The following AIG1 variants were observed in gnomAD, a reference collection of about 807,000 sequenced individuals.
AIG1 encodes the protein androgen induced 1.
AIG1 carries 23 observed loss-of-function variants against 31.4 expected under a neutral mutation model. The observed-to-expected ratio is 0.73, with a 90% CI of 0.53 to 1.04. AIG1 has a LOEUF of 1.04. AIG1 is among the 50% of genes least tolerant of loss of function. AIG1 has a pLI of 0.00. For missense variants in AIG1, 274 were observed against 295.0 expected, an observed-to-expected ratio of 0.93 and a Z score of 0.52; for synonymous variants, 100 against 110.5, an observed-to-expected ratio of 0.90 and a Z score of 0.60.
chr6:143,072,329 A>G (rs374285236), intron 1 of AIG1, among the ~76,000 whole-genome samples: 1 of 152,104 alleles, frequency 6.6e-6, no homozygotes, highest in Non-Finnish European at 1.5e-5. Context: ...TTTAGATTCT[A>G]TGGGAGTTTC....
At chr6:143,214,189 A>T (rs987884566) in intron 3 of AIG1, among the ~76,000 whole-genome samples, 1 of 152,180 alleles carries the variant, frequency 6.6e-6, no homozygotes, top group Non-Finnish European at 1.5e-5. Context: ...TTACTGCCAA[A>T]ACATGCAGAT....
rs1178749717 is a variant in AIG1 at position 143,136,822 on chromosome 6, T to C, written c.142-13T>C. The C allele has an allele frequency of 2.5e-5, 34 of 1,367,104 alleles. No homozygotes were observed. The Admixed American group carries it at 8.7e-4, about 35-fold the overall frequency. 84.7% of individuals were successfully genotyped at this position (1,367,104 alleles called of 1,614,324 possible). A position where few individuals can be genotyped will look rare whatever the true frequency, so the allele number is the denominator to read the frequency against. ...GATCTTAATGACTCATACCGGCTGT[T>C]GTCCCCCTACAGGTTATCCAGGCTG... is the stretch of plus-strand genomic sequence containing the variant. On this transcript the variant is annotated splice_polypyrimidine_tract_variant and intron_variant, in intron 1 of 5. Coordinates refer to ENST00000357847, the MANE Select transcript of AIG1 (RefSeq NM_016108.4).
intron 1 of AIG1, among the ~76,000 whole-genome samples, chr6:143,102,519 TATA>T (rs1048441560): frequency 6.8e-6 from 1 of 147,130 alleles, no homozygotes; most frequent in Non-Finnish European, 1.5e-5. Flanking sequence ...TAATATATAA[TATA>T]ATATGTAAAA....
rs1050938331 is a variant in AIG1 at position 143,326,575 on chromosome 6, A to T, written c.516-6707A>T. ...AGAAACATATTATTTAAATAAAGAT[A>T]TTCAAATTTAAGTATGAATAAAAGA... On this transcript the variant is annotated intron_variant, in intron 4 of 5. Transcript: ENST00000357847. This position sits in a 1 kb window ranked among gnomAD's most constrained non-coding sequence, Gnocchi z 4.5. Among the ~76,000 whole-genome samples the T allele has an allele frequency of 2.0e-5, 3 of 152,216 alleles. No individual in the cohort carries two copies. Among genetic ancestry groups the T allele is most frequent in the African/African-American group, 7.2e-5 (3 of 41,468 alleles).
Position 143,280,561 on chromosome 6 carries a change from G to A in AIG1, c.400-3549G>A, listed in dbSNP as rs1001376129. Among the ~76,000 whole-genome samples the A allele has an allele frequency of 2.0e-5, 3 of 152,322 alleles. No individual in the cohort carries two copies. The highest frequency in any genetic ancestry group is 2.1e-4 in the South Asian group (1 of 4,830). On this transcript the variant is annotated intron_variant, in intron 3 of 5. Coordinates refer to ENST00000357847, the MANE Select transcript of AIG1 (RefSeq NM_016108.4). The surrounding 1 kb of genome is among the most constrained non-coding windows in gnomAD (Gnocchi z 4.1). The stretch of plus-strand genomic sequence containing the variant: ...CAGCCGTAAAAAAGAGTGAGATCAC[G>A]TCTTTTGCAGGAGCATGGATGGAGA...
intron 4 of AIG1, among the ~76,000 whole-genome samples, chr6:143,321,642 G>A (rs1776223140): frequency 1.3e-5 from 2 of 152,138 alleles, no homozygotes; most frequent in African/African-American, 4.8e-5. Flanking sequence ...CGCTGAAAGG[G>A]TTGAATGTGG....
chr6:143,140,955 C>T (rs1368606889), intron 2 of AIG1, among the ~76,000 whole-genome samples: 1 of 152,236 alleles, frequency 6.6e-6, no homozygotes. Context: ...ACCACCCTGA[C>T]TGCTGGGGCA....
intron 1 of AIG1, among the ~76,000 whole-genome samples, chr6:143,066,414 A>G (rs1369284428): frequency 6.6e-6 from 1 of 151,986 alleles, no homozygotes; most frequent in Non-Finnish European, 1.5e-5. Flanking sequence ...CTGGGATTAC[A>G]GGCACCTGCC....
Position 143,339,817 on chromosome 6 carries a change from A to G in AIG1, c.*141A>G, listed in dbSNP as rs568657404. ...CTCCCCCAATGAGGACACCTTTTATATATAAATATGTATAAACATAGAATA... is the reference window on the plus strand; with the variant it reads ...CTCCCCCAATGAGGACACCTTTTATGTATAAATATGTATAAACATAGAATA... On this transcript the variant is annotated 3_prime_UTR_variant, in exon 6 of 6. Coordinates refer to ENST00000357847, the MANE Select transcript of AIG1 (RefSeq NM_016108.4). 3.3e-5 allele frequency: 22 copies of G among 675,658 alleles called. No individual in the cohort carries two copies. In the African/African-American group the frequency reaches 3.5e-4, roughly 11 times the overall value. The allele number at this position is 675,658 out of a possible 1,614,324, so 41.9% of individuals were successfully genotyped here.
At chr6:143,332,227 G>T (rs1483529873) in intron 4 of AIG1, among the ~76,000 whole-genome samples, 1 of 152,116 alleles carries the variant, frequency 6.6e-6, no homozygotes, top group East Asian at 1.9e-4. Flanking sequence ...TAAGGAAAAT[G>T]ACCTCAGAAC....
At chr6:143,337,682 T>A (rs1287003589) in intron 5 of AIG1, among the ~76,000 whole-genome samples, 1 of 152,198 alleles carries the variant, frequency 6.6e-6, no homozygotes, top group Non-Finnish European at 1.5e-5. Flanking sequence ...GACGTCTATG[T>A]GTGCAGAAAC....
intron 1 of AIG1, among the ~76,000 whole-genome samples, chr6:143,120,293 C>A (rs2085275794): frequency 6.6e-6 from 1 of 152,164 alleles, no homozygotes; most frequent in Non-Finnish European, 1.5e-5. Context: ...TATAAACTTC[C>A]TCATAGACAA....
chr6:143,273,703 G>A (rs199605702), intron 3 of AIG1, among the ~76,000 whole-genome samples: 2 of 152,146 alleles, frequency 1.3e-5, no homozygotes, highest in African/African-American at 4.8e-5. Flanking sequence ...GAGCATGAGA[G>A]CCAAGCAAAA....
chr6:143,072,131 C>T (rs1038414193), intron 1 of AIG1, among the ~76,000 whole-genome samples: 22 of 152,022 alleles, frequency 1.4e-4, no homozygotes, highest in Non-Finnish European at 2.4e-4. Context: ...TGGCTAACGA[C>T]GTTGAATATA....
intron 2 of AIG1, among the ~76,000 whole-genome samples, chr6:143,164,057 A>G (rs1786682156): frequency 6.6e-6 from 1 of 152,138 alleles, no homozygotes; most frequent in Admixed American, 6.6e-5. Flanking sequence ...GAAACCACCA[A>G]TTTGAAGTGG....
chr6:143,143,432 C>T lies in AIG1; in HGVS notation c.297+6442C>T, dbSNP rs769698180. Among the ~76,000 whole-genome samples, 55 of 128,872 alleles carry T rather than the reference C, an allele frequency of 4.3e-4. No homozygotes were observed. In the East Asian group the frequency reaches 5.7e-3, roughly 13 times the overall value. The allele number at this position is 128,872 out of a possible 152,430, so 84.5% of individuals were successfully genotyped here. A position where few individuals can be genotyped will look rare whatever the true frequency, so the allele number is the denominator to read the frequency against. On this transcript the variant is annotated intron_variant, in intron 2 of 5. Coordinates refer to ENST00000357847, the MANE Select transcript of AIG1 (RefSeq NM_016108.4). Reference sequence around the variant, plus strand: ...AGGAGAATGGCGTGAACCCAGGAGGCGGAGCTTGCAGTGAGCCGAGATCAT... The same window carrying T: ...AGGAGAATGGCGTGAACCCAGGAGGTGGAGCTTGCAGTGAGCCGAGATCAT...
At chr6:143,319,944 G>T (rs1776069917) in intron 4 of AIG1, among the ~76,000 whole-genome samples, 1 of 152,134 alleles carries the variant, frequency 6.6e-6, no homozygotes, top group Non-Finnish European at 1.5e-5. Context: ...TATGGCATGG[G>T]AGAAAGTATT....
chr6:143,335,283 C>A, intron 5 of AIG1: 1 of 463,752 alleles, frequency 2.2e-6, no homozygotes, highest in Non-Finnish European at 3.5e-6. Context: ...CCTGTAATCC[C>A]GGCACTTTGG....
At chr6:143,239,722 C>T (rs1331686365) in intron 3 of AIG1, among the ~76,000 whole-genome samples, 1 of 152,132 alleles carries the variant, frequency 6.6e-6, no homozygotes, top group East Asian at 1.9e-4. Context: ...ACCCATGGCC[C>T]GTGTTCAAAA....
Sources: gnomAD v4.1 joint callset for allele counts (sites outside exome capture counted in the v4.1 genomes callset) on GRCh38, gnomAD v4.1.1 for gene constraint, Gnocchi (gnomAD v3.1) non-coding constraint, MANE v1.5 for transcripts, NCBI Gene and HGNC (gene_info 2026-07-23, HGNC 2026-07-21) for gene names.